Variants in SNRPD1 observed in about 807,000 individuals in gnomAD.
SNRPD1 encodes small nuclear ribonucleoprotein Sm D1.
Under a neutral mutation model 14.4 loss-of-function variants are expected in SNRPD1, and 1 was observed. That is an observed-to-expected ratio of 0.07 (90% CI 0.02 to 0.33). SNRPD1 has a LOEUF of 0.33. Ranked by LOEUF, SNRPD1 falls within the 10% of genes least tolerant of loss-of-function variation. The pLI is 1.00. For synonymous variants in SNRPD1, 42 were observed against 50.3 expected (o/e 0.83, Z 0.70); for missense variants, 52 against 146.4 (o/e 0.36, Z 3.33).
intron 2 of SNRPD1, 113 bp from the exon 3 acceptor site, chr18:21,623,635 T>G: frequency 1.3e-6 from 1 of 770,566 alleles, no homozygotes. Context: ...AAACTTGCAC[T>G]TTGTAGAAGA....
intron 1 of SNRPD1, among the ~76,000 whole-genome samples, chr18:21,617,195 C>G (rs1476969682): frequency 2.0e-5 from 3 of 151,834 alleles, no homozygotes; most frequent in Admixed American, 1.3e-4. Flanking sequence ...TGGCTCATGC[C>G]TGTAATCCCA....
At chr18:21,612,550 G>C (rs1322298895) in intron 1 of SNRPD1, 107 bp downstream of exon 1, 1 of 859,706 alleles carries the variant, frequency 1.2e-6, no homozygotes, top group African/African-American at 1.7e-5. Flanking sequence ...CCGCGTGTGC[G>C]CGGCCTGCTA....
At chr18:21,627,626 A>C (rs1043944658) in intron 3 of SNRPD1, among the ~76,000 whole-genome samples, 1 of 151,128 alleles carries the variant, frequency 6.6e-6, no homozygotes, top group Non-Finnish European at 1.5e-5. Flanking sequence ...GTTTTACAAC[A>C]CCCCTCCAAC....
chr18:21,629,400 A>G lies in SNRPD1; in HGVS notation c.*262A>G. ...TTTTCTTTTTATGATGAATAAGGTT[A>G]AAATAAAAGCCTTAGACAAATTAAA... On this transcript the variant is annotated 3_prime_UTR_variant, in exon 4 of 4. Transcript: ENST00000300413. The G allele has an allele frequency of 2.7e-6, 1 of 367,210 alleles. No individual in the cohort carries two copies. Among genetic ancestry groups the G allele is most frequent in the Non-Finnish European group, 5.0e-6 (1 of 200,970 alleles). 22.7% of individuals were successfully genotyped at this position (367,210 alleles called of 1,614,324 possible). A position where few individuals can be genotyped will look rare whatever the true frequency, so the allele number is the denominator to read the frequency against.
In SNRPD1 at chr18:21,632,400, A is replaced by C. The variant is rs140435612; in HGVS notation, c.*3262A>C. The C allele has an allele frequency of 2.6e-5, 4 of 152,072 alleles. No homozygotes were observed. Among genetic ancestry groups the C allele is most frequent in the African/African-American group, 9.6e-5 (4 of 41,474 alleles). The allele number at this position is 152,072 out of a possible 1,614,324, so 9.4% of individuals were successfully genotyped here. A position where few individuals can be genotyped will look rare whatever the true frequency, so the allele number is the denominator to read the frequency against. On this transcript the variant is annotated 3_prime_UTR_variant, in exon 4 of 4. Coordinates refer to ENST00000300413, the MANE Select transcript of SNRPD1 (RefSeq NM_006938.4). ...CTTGAACCCTGGAGGCAGAGGTTGC[A>C]GTGAGCTGAGATCACACCACTGCAC...
Position 21,622,872 on chromosome 18 carries a change from T to C in SNRPD1, c.91+71T>C, listed in dbSNP as rs2039008469. ...TACCTAGCCAGAGTTTATTTTTTTA[T>C]TGCTTAATGAACATTATTGTAGTAC... On this transcript the variant is annotated intron_variant, in intron 2 of 3. Transcript: ENST00000300413. The C allele has an allele frequency of 1.1e-5, 8 of 748,160 alleles. No homozygotes were observed. In the South Asian group the frequency reaches 1.3e-4, roughly 12 times the overall value. The allele number at this position is 748,160 out of a possible 1,614,324, so 46.3% of individuals were successfully genotyped here. A position where few individuals can be genotyped will look rare whatever the true frequency, so the allele number is the denominator to read the frequency against.
rs2039094526 is a variant in SNRPD1, at chr18:21,632,845, CTTTTCTTT to C, written c.*3709_*3716del. On this transcript the variant is annotated 3_prime_UTR_variant, in exon 4 of 4. Transcript: ENST00000300413. ...AGTTTTTTTTCTTTTCTTTTCTTTT[CTTTTCTTT>C]TCTTTTTTTTTTTTTGAGACAGAGT... The C allele has an allele frequency of 1.3e-5, 2 of 151,834 alleles. No homozygotes were observed. Among genetic ancestry groups the C allele is most frequent in the Non-Finnish European group, 2.9e-5 (2 of 69,640 alleles). 9.4% of individuals were successfully genotyped at this position (151,834 alleles called of 1,614,324 possible).
intron 1 of SNRPD1, among the ~76,000 whole-genome samples, chr18:21,616,228 G>A (rs948779070): frequency 2.6e-5 from 4 of 151,744 alleles, no homozygotes; most frequent in African/African-American, 7.3e-5. Context: ...CTCGTGATCC[G>A]CCCGCCTTGG....
intron 1 of SNRPD1, among the ~76,000 whole-genome samples, chr18:21,621,013 A>G (rs1223735071): frequency 1.3e-5 from 2 of 151,926 alleles, no homozygotes; most frequent in African/African-American, 4.8e-5. Flanking sequence ...AAAAAAATAC[A>G]AAAAATTAGC....
chr18:21,625,315 A>ATTTTTTTTTTT (rs748864232), intron 3 of SNRPD1, among the ~76,000 whole-genome samples: 10,755 of 94,382 alleles, frequency 0.11, 649 homozygotes, highest in Non-Finnish European at 0.13. Flanking sequence ...TGTTGAAAAA[A>ATTTTTTTTTTT]ATTTTTTTTT....
At chr18:21,626,737 G>T (rs1324783966) in intron 3 of SNRPD1, among the ~76,000 whole-genome samples, 1 of 150,494 alleles carries the variant, frequency 6.6e-6, no homozygotes, top group Non-Finnish European at 1.5e-5. Flanking sequence ...AGTGACCCGA[G>T]ATCGCACTAC....
At chr18:21,628,822 A>G (rs1382397506) in intron 3 of SNRPD1, among the ~76,000 whole-genome samples, 2 of 151,984 alleles carry the variant, frequency 1.3e-5, no homozygotes, top group East Asian at 3.9e-4. Flanking sequence ...ATAAATTGAA[A>G]TGAAACAAAT....
chr18:21,619,630 A>C (rs1013510934), intron 1 of SNRPD1, among the ~76,000 whole-genome samples: 1 of 151,774 alleles, frequency 6.6e-6, no homozygotes, highest in Non-Finnish European at 1.5e-5. Context: ...AAATACAAAA[A>C]TCAGCCAGGT....
intron 1 of SNRPD1, among the ~76,000 whole-genome samples, chr18:21,617,831 T>C (rs2038968586): frequency 6.6e-6 from 1 of 152,002 alleles, no homozygotes; most frequent in African/African-American, 2.4e-5. Context: ...ATACAAAAAT[T>C]AGCTGGGTGT....
intron 1 of SNRPD1, 124 bp downstream of exon 1, chr18:21,612,567 G>T: frequency 1.5e-6 from 1 of 664,800 alleles, no homozygotes; most frequent in Non-Finnish European, 2.4e-6. Context: ...GCTAACGGCC[G>T]GCCTTACTGC....
At chr18:21,621,311 T>G (rs1388167076) in intron 1 of SNRPD1, among the ~76,000 whole-genome samples, 1 of 152,190 alleles carries the variant, frequency 6.6e-6, no homozygotes, top group South Asian at 2.1e-4. Flanking sequence ...TGGGAAAAAA[T>G]TGAACCAAAG....
At chr18:21,624,803 C>T (rs1284843752) in intron 3 of SNRPD1, among the ~76,000 whole-genome samples, 1 of 151,770 alleles carries the variant, frequency 6.6e-6, no homozygotes, top group East Asian at 1.9e-4. Context: ...TTAAAAAAAC[C>T]CCCTGTGGGT....
Position 21,629,243 on chromosome 18 carries a change from C to T in SNRPD1, c.*105C>T, listed in dbSNP as rs937409642. ...AAACATAAATGTGGGACAGAGCTGT[C>T]TATTTAGTATATCAAAGTTTTAGTA... On this transcript the variant is annotated 3_prime_UTR_variant, in exon 4 of 4. Coordinates refer to ENST00000300413, the MANE Select transcript of SNRPD1 (RefSeq NM_006938.4). The T allele has an allele frequency of 1.2e-6, 1 of 851,012 alleles. No homozygotes were observed. The highest frequency in any genetic ancestry group is 2.0e-6 in the Non-Finnish European group (1 of 505,614). The allele number at this position is 851,012 out of a possible 1,614,324, so 52.7% of individuals were successfully genotyped here. A position where few individuals can be genotyped will look rare whatever the true frequency, so the allele number is the denominator to read the frequency against.
At chr18:21,613,725 C>T (rs1027649656) in intron 1 of SNRPD1, among the ~76,000 whole-genome samples, 4 of 151,554 alleles carry the variant, frequency 2.6e-5, no homozygotes, top group East Asian at 3.9e-4. Flanking sequence ...CGTGGTGGCG[C>T]GCGCCTTTAA....
Sources: allele counts gnomAD v4.1 joint callset (sites outside exome capture counted in the v4.1 genomes callset), GRCh38; gene constraint gnomAD v4.1.1; transcripts MANE v1.5; gene names NCBI Gene and HGNC (gene_info 2026-07-23, HGNC 2026-07-21).